The following KNSTRN variants were observed in gnomAD, a reference collection of about 807,000 sequenced individuals.
KNSTRN encodes the protein small kinetochore-associated protein.
KNSTRN carries 38 observed loss-of-function variants against 44.7 expected under a neutral mutation model. The observed-to-expected ratio is 0.85, with a 90% CI of 0.66 to 1.11. The LOEUF (loss-of-function observed/expected upper bound fraction) is 1.11, where lower values mean the gene tolerates loss of function less well. KNSTRN is among the 50% of genes most tolerant of loss of function. The pLI, the probability that KNSTRN is intolerant of heterozygous loss-of-function variation, is 0.00. For synonymous variants in KNSTRN, 158 were observed against 148.1 expected (o/e 1.07, Z -0.48); for missense variants, 406 against 375.8 (o/e 1.08, Z -0.66).
chr15:40,388,374 C>T (rs1199528788), intron 4 of KNSTRN, among the ~76,000 whole-genome samples: 3 of 152,216 alleles, frequency 2.0e-5, no homozygotes, highest in Non-Finnish European at 4.4e-5. Context: ...GCTCTTAAGA[C>T]ACAGATTGCT....
intron 6 of KNSTRN, among the ~76,000 whole-genome samples, chr15:40,390,971 A>AT (rs908165115): frequency 7.9e-5 from 12 of 151,690 alleles, no homozygotes; most frequent in African/African-American, 2.4e-4. Flanking sequence ...AAAATTGTTT[A>AT]TTTTTTTGAG....
At chr15:40,391,577 G>T in intron 7 of KNSTRN, 23 bp downstream of exon 7, 1 of 1,600,278 alleles carries the variant, frequency 6.2e-7, no homozygotes, top group Non-Finnish European at 8.6e-7. Flanking sequence ...GTGTGAAAGG[G>T]CGCAAGGGCT....
In KNSTRN at chr15:40,386,363, C is replaced by G; in HGVS notation, c.306C>G (p.Asp102Glu). Residue 102 changes from aspartate (D) to glutamate (E), a missense_variant and splice_region_variant, in exon 3 of 9, where the codon GAC becomes GAG. Transcript: ENST00000249776. ...PSALSGGQPA[D>E]TQTRATSKSL... ...TTTACCTCTCATTTTCCTTTGCAGA[C>G]ACACAAACTCGGGCCACTTCTAAGA... 1 of 1,613,102 alleles carries G rather than the reference C, an allele frequency of 6.2e-7. No homozygotes were observed. The highest frequency in any genetic ancestry group is 8.5e-7 in the Non-Finnish European group (1 of 1,179,494).
intron 2 of KNSTRN, among the ~76,000 whole-genome samples, chr15:40,385,417 A>G (rs1056505710): frequency 6.6e-6 from 1 of 152,218 alleles, no homozygotes; most frequent in Non-Finnish European, 1.5e-5. Context: ...CTCTAAACTT[A>G]ACAAAGGGTA....
intron 5 of KNSTRN, 109 bp from the exon 6 acceptor site, chr15:40,389,727 A>G: frequency 7.4e-7 from 1 of 1,358,656 alleles, no homozygotes; most frequent in Non-Finnish European, 1.0e-6. Flanking sequence ...CAAGGGCAGA[A>G]AAAAAAAGCC....
At position 40,389,569 on chromosome 15, in the gene KNSTRN, A is replaced by G. The variant is rs144014571; in HGVS notation, c.549A>G (p.Glu183=). ...EELKDKNQLL[E]AVNKQLHQKL... ...TCAAGGACAAGAACCAGCTGTTAGA[A>G]GCCGTCAACAAGCAGTTGCACCAGA... The change falls in exon 5 of 9, where the codon GAA becomes GAG. Residue 183 remains glutamate (E), a synonymous_variant. Transcript: ENST00000249776. 1.8e-4 allele frequency: 288 copies of G among 1,614,172 alleles called. No homozygotes were observed. The African/African-American group carries it at 3.5e-3, about 20-fold the overall frequency.
At chr15:40,385,643 A>T (rs1889888599) in intron 2 of KNSTRN, among the ~76,000 whole-genome samples, 1 of 152,218 alleles carries the variant, frequency 6.6e-6, no homozygotes, top group Admixed American at 6.5e-5. Flanking sequence ...TAGTAAAAAC[A>T]ACGAAGTAAC....
At position 40,382,855 on chromosome 15, in the gene KNSTRN, C is replaced by A. The variant is rs753817858; in HGVS notation, c.20C>A (p.Pro7Gln). The A allele has an allele frequency of 1.2e-5, 19 of 1,611,516 alleles. 1 individual carries two copies. The South Asian group carries it at 2.0e-4, about 17-fold the overall frequency. The change falls in exon 1 of 9, where the codon CCG becomes CAG. Residue 7 changes from proline to glutamine, a missense_variant. Coordinates refer to ENST00000249776, the MANE Select transcript of KNSTRN (RefSeq NM_033286.4). Reference protein sequence around the residue: MAAPEAPPLDRVFRTTW... With the variant: MAAPEAQPLDRVFRTTW... ...TACAGTATGGCGGCTCCCGAAGCCC[C>A]GCCCCTGGACAGAGTTTTCCGTACA...
chr15:40,382,881 A>C lies in KNSTRN; in HGVS notation c.46A>C (p.Thr16Pro), dbSNP rs1307486609. 1 of 1,612,252 alleles carries C rather than the reference A, an allele frequency of 6.2e-7. No individual in the cohort carries two copies. Residue 16 changes from threonine (T) to proline (P), a missense_variant, in exon 1 of 9, where the codon ACA becomes CCA. By Grantham distance (38) the Thr-to-Pro change is conservative. Transcript: ENST00000249776. ...GCCCCTGGACAGAGTTTTCCGTACAACATGGCTGTCTACAGAGTGCGATTC... is the reference window on the plus strand; with the variant it reads ...GCCCCTGGACAGAGTTTTCCGTACACCATGGCTGTCTACAGAGTGCGATTC... ...APPLDRVFRT[T>P]WLSTECDSHP...
intron 4 of KNSTRN, 22 bp downstream of exon 4, chr15:40,387,228 C>T: frequency 1.9e-6 from 3 of 1,590,286 alleles, no homozygotes; most frequent in Non-Finnish European, 2.6e-6. Context: ...GGTAAATCAA[C>T]TTGGCCACTA....
intron 8 of KNSTRN, among the ~76,000 whole-genome samples, chr15:40,392,338 C>G (rs1890015048): frequency 6.6e-6 from 1 of 152,108 alleles, no homozygotes; most frequent in Non-Finnish European, 1.5e-5. Flanking sequence ...CTTCTTGATG[C>G]ACTTCCTCCT....
In KNSTRN at chr15:40,389,863, G is replaced by A. The variant is rs963577856; in HGVS notation, c.619G>A (p.Val207Ile). ...AGAGCTGAAGGACCTGACCCAGAAG[G>A]TAGAGCTGCTGGAGAAGTTTCGGGA... ...QGELKDLTQK[V>I]ELLEKFRDNC... Residue 207 changes from valine (V) to isoleucine (I), a missense_variant, in exon 6 of 9, where the codon GTA becomes ATA. Coordinates refer to ENST00000249776, the MANE Select transcript of KNSTRN (RefSeq NM_033286.4). 6.2e-7 allele frequency: 1 copy of A among 1,614,236 alleles called. No homozygotes were observed.
chr15:40,383,493 G>GGCC, intron 2 of KNSTRN, 171 bp downstream of exon 2: 1 of 592,606 alleles, frequency 1.7e-6, no homozygotes. Flanking sequence ...TTAAGGGAAG[G>GGCC]ACCATGTGGT....
rs11541643 is a variant in KNSTRN, at chr15:40,393,649, A to C, written c.*52A>C. 3.2e-6 allele frequency: 5 copies of C among 1,549,116 alleles called. No individual in the cohort carries two copies. The African/African-American group carries it at 6.8e-5, about 21-fold the overall frequency. On this transcript the variant is annotated 3_prime_UTR_variant, in exon 9 of 9. Transcript: ENST00000249776. ...CTCTTGGGCATAAAATCTCAGAGGA[A>C]GCTACTTAGGACATCATCTTGGCCA...
intron 2 of KNSTRN, chr15:40,385,046 A>G (rs1416496226): frequency 6.6e-6 from 1 of 152,314 alleles, no homozygotes; most frequent in African/African-American, 2.4e-5. Flanking sequence ...TATTCCTCCA[A>G]GATTACCTTT....
intron 2 of KNSTRN, among the ~76,000 whole-genome samples, 180 bp from the exon 3 acceptor site, chr15:40,386,182 A>G (rs1258853255): frequency 1.3e-5 from 2 of 152,072 alleles, no homozygotes; most frequent in African/African-American, 4.8e-5. Context: ...AGCCAAGATC[A>G]CACCACTGTA....
chr15:40,384,336 T>G (rs1889867270), intron 2 of KNSTRN: 18 of 379,726 alleles, frequency 4.7e-5, no homozygotes, highest in South Asian at 3.4e-4. Context: ...ATTGCGCCAC[T>G]GCACTCCAGC....
At chr15:40,389,351 A>G (rs1300887023) in intron 4 of KNSTRN, 155 bp from the exon 5 acceptor site, 1 of 603,500 alleles carries the variant, frequency 1.7e-6, no homozygotes, top group Non-Finnish European at 3.0e-6. Context: ...GGTTTCTCTT[A>G]TCTTGGTCAG....
At chr15:40,388,141 GAC>G (rs1338660050) in intron 4 of KNSTRN, among the ~76,000 whole-genome samples, 2 of 152,218 alleles carry the variant, frequency 1.3e-5, no homozygotes, top group Non-Finnish European at 2.9e-5. Flanking sequence ...AGGAATTAAA[GAC>G]ACACACACAG....
Sources: allele counts gnomAD v4.1 joint callset (sites outside exome capture counted in the v4.1 genomes callset), GRCh38; gene constraint gnomAD v4.1.1; transcripts MANE v1.5; gene names NCBI Gene and HGNC (gene_info 2026-07-23, HGNC 2026-07-21).